PPIL3: variants seen among roughly 807,000 people sequenced by gnomAD.
PPIL3 encodes peptidyl-prolyl cis-trans isomerase-like 3.
A neutral mutation model predicts 20.9 loss-of-function variants in PPIL3; 13 were observed. The ratio of observed to expected loss-of-function variants is 0.62; its 90% confidence interval spans 0.40 to 0.99. The LOEUF is 0.99. PPIL3 is among the 50% of genes least tolerant of loss of function. The pLI is 0.00. For synonymous variants in PPIL3, 71 were observed against 64.4 expected (o/e 1.10, Z -0.49); for missense variants, 170 against 195.2 (o/e 0.87, Z 0.77).
intron 5 of PPIL3, among the ~76,000 whole-genome samples, chr2:200,877,853 T>C (rs1052926469): frequency 2.6e-5 from 4 of 152,226 alleles, no homozygotes; most frequent in African/African-American, 7.2e-5. Flanking sequence ...GACTGAACGA[T>C]CTAAGAAAGG....
chr2:200,884,274 C>T (rs569064209), intron 3 of PPIL3, among the ~76,000 whole-genome samples: 11 of 152,136 alleles, frequency 7.2e-5, no homozygotes, highest in African/African-American at 1.4e-4. Context: ...TGGTGGCTGG[C>T]GCCTATAGTC....
At chr2:200,881,818 G>GCACAATATTGTT (rs142177375) in intron 4 of PPIL3, 5,975 of 278,338 alleles carry the variant, frequency 0.021, 241 homozygotes, top group African/African-American at 0.099. Flanking sequence ...GCCAAAGTGA[G>GCACAATATTGTT]CACAATATTG....
At chr2:200,877,148 T>C (rs1319777689) in intron 5 of PPIL3, 111 bp from the exon 6 acceptor site, 6 of 729,394 alleles carry the variant, frequency 8.2e-6, no homozygotes, top group African/African-American at 1.8e-5. Context: ...TATTTTGAGA[T>C]TGGGGTCTCA....
chr2:200,882,499 T>C (rs2039769840), intron 3 of PPIL3, 64 bp from the exon 4 acceptor site: 1 of 979,622 alleles, frequency 1.0e-6, no homozygotes, highest in Non-Finnish European at 1.6e-6. Flanking sequence ...AAAAAACCAA[T>C]CATATTTACT....
intron 5 of PPIL3, among the ~76,000 whole-genome samples, chr2:200,878,583 G>A (rs925788826): frequency 1.3e-5 from 2 of 151,664 alleles, no homozygotes; most frequent in African/African-American, 2.4e-5. Flanking sequence ...AGAGATGAGG[G>A]CTCAATATGT....
At chr2:200,885,490 T>A (rs1039774764) in intron 3 of PPIL3, 37 of 515,288 alleles carry the variant, frequency 7.2e-5, no homozygotes, top group Middle Eastern at 4.9e-4. Context: ...TACTCTATCG[T>A]TACCGAAAAA....
chr2:200,874,001 T>C (rs111315781), intron 6 of PPIL3, among the ~76,000 whole-genome samples: 7,445 of 151,088 alleles, frequency 0.049, 537 homozygotes, highest in African/African-American at 0.16. Flanking sequence ...GTCGGGAGAT[T>C]GAGACCATCC....
chr2:200,875,648 A>T (rs2039484751), intron 6 of PPIL3, among the ~76,000 whole-genome samples: 1 of 151,464 alleles, frequency 6.6e-6, no homozygotes, highest in Admixed American at 6.6e-5. Context: ...ATCTCAGCTC[A>T]TGCAGCCTGG....
At chr2:200,882,089 G>A (rs2039752760) in intron 4 of PPIL3, among the ~76,000 whole-genome samples, 1 of 152,192 alleles carries the variant, frequency 6.6e-6, no homozygotes, top group African/African-American at 2.4e-5. Flanking sequence ...GGGGCAAGGG[G>A]AGGGAGAGCA....
At chr2:200,882,737 T>C (rs2039778512) in intron 3 of PPIL3, among the ~76,000 whole-genome samples, 2 of 151,922 alleles carry the variant, frequency 1.3e-5, no homozygotes, top group Non-Finnish European at 2.9e-5. Flanking sequence ...AAACCCCATC[T>C]CTACTAAAAA....
chr2:200,872,803 G>A lies in PPIL3; in HGVS notation c.360-1282C>T, dbSNP rs1408632568. Among the ~76,000 whole-genome samples, 3 of 151,914 alleles carry A rather than the reference G, an allele frequency of 2.0e-5. No homozygotes were observed. The East Asian group carries it at 5.8e-4, about 29-fold the overall frequency. ...TACAGGAAATACATGGAGAAAGTAT[G>A]TAGATGACACTATTAGCAATACTGC... is the stretch of plus-strand genomic sequence containing the variant. On this transcript the variant is annotated intron_variant, in intron 6 of 6. Coordinates refer to ENST00000392283, the MANE Select transcript of PPIL3 (RefSeq NM_130906.3).
chr2:200,887,878 G>A (rs1190189459), intron 1 of PPIL3, among the ~76,000 whole-genome samples, 193 bp from the exon 2 acceptor site: 2 of 151,844 alleles, frequency 1.3e-5, no homozygotes, highest in South Asian at 2.1e-4. Flanking sequence ...CCAACATGGC[G>A]AAACCCCGTC....
chr2:200,881,275 G>A (rs1179631183), intron 5 of PPIL3, 146 bp downstream of exon 5: 5 of 626,184 alleles, frequency 8.0e-6, no homozygotes, highest in South Asian at 2.3e-5. Context: ...AAGTCTCCCC[G>A]ACATCATTTG....
intron 2 of PPIL3, 103 bp from the exon 3 acceptor site, chr2:200,885,875 AACAG>A: frequency 1.5e-6 from 1 of 668,488 alleles, no homozygotes; most frequent in Non-Finnish European, 2.5e-6. Context: ...TCTGAATAAA[AACAG>A]ACAGAAATAC....
At chr2:200,871,542 C>T (rs1553607528) in intron 6 of PPIL3, 21 bp from the exon 7 acceptor site, 1 of 1,597,412 alleles carries the variant, frequency 6.3e-7, no homozygotes, top group East Asian at 2.2e-5. Flanking sequence ...AACAACATAA[C>T]ATATGAAAAT....
At position 200,871,134 on chromosome 2, in the gene PPIL3, T is replaced by A. The variant is rs1410823362; in HGVS notation, c.*261A>T. 1 of 260,260 alleles carries A rather than the reference T, an allele frequency of 3.8e-6. No homozygotes were observed. Among genetic ancestry groups the A allele is most frequent in the African/African-American group, 2.2e-5 (1 of 44,994 alleles). The allele number at this position is 260,260 out of a possible 1,614,324, so 16.1% of individuals were successfully genotyped here. A position where few individuals can be genotyped will look rare whatever the true frequency, so the allele number is the denominator to read the frequency against. ...TTGAGGCTGAGCATTTAAAAATGAA[T>A]GTTCATATGTAACAAAAATTAAATG... On this transcript the variant is annotated 3_prime_UTR_variant, in exon 7 of 7. Coordinates refer to ENST00000392283, the MANE Select transcript of PPIL3 (RefSeq NM_130906.3).
At chr2:200,882,231 TAAACA>T (rs909117212) in intron 4 of PPIL3, 106 bp downstream of exon 4, 21 of 768,778 alleles carry the variant, frequency 2.7e-5, no homozygotes, top group African/African-American at 1.6e-4. Context: ...CAGAACTTAT[TAAACA>T]AAACAAAACA....
In PPIL3 at chr2:200,871,250, C is replaced by T. The variant is rs200873336; in HGVS notation, c.*145G>A. 1.4e-5 allele frequency: 10 copies of T among 694,572 alleles called. No homozygotes were observed. Among genetic ancestry groups the T allele is most frequent in the Admixed American group, 1.2e-4 (4 of 32,530 alleles). 43.0% of individuals were successfully genotyped at this position (694,572 alleles called of 1,614,324 possible). A position where few individuals can be genotyped will look rare whatever the true frequency, so the allele number is the denominator to read the frequency against. ...AAGAATGGGGATAAAAGCTGTTGGG[C>T]GCCCCTTGGTACCACCATTTCATAG... On this transcript the variant is annotated 3_prime_UTR_variant, in exon 7 of 7. Transcript: ENST00000392283.
chr2:200,884,632 T>C (rs2039861224), intron 3 of PPIL3, among the ~76,000 whole-genome samples: 1 of 151,472 alleles, frequency 6.6e-6, no homozygotes, highest in African/African-American at 2.4e-5. Flanking sequence ...CCTATCTACT[T>C]GGGAGGCCAA....
Sources: gnomAD v4.1 joint callset for allele counts (sites outside exome capture counted in the v4.1 genomes callset) on GRCh38, gnomAD v4.1.1 for gene constraint, MANE v1.5 for transcripts, NCBI Gene and HGNC (gene_info 2026-07-23, HGNC 2026-07-21) for gene names.